Variants in CSMD1 observed in about 807,000 individuals in gnomAD.
CSMD1 encodes the protein CUB and sushi domain-containing protein 1.
Under a neutral mutation model 417.5 loss-of-function variants are expected in CSMD1, and 213 were observed. The observed-to-expected ratio is 0.51, with a 90% CI of 0.46 to 0.57. The LOEUF is 0.57. Among genes scored for constraint, CSMD1 ranks in the 20% least tolerant of loss-of-function variants. The pLI, the probability that CSMD1 is intolerant of heterozygous loss-of-function variation, is 0.00. For synonymous variants in CSMD1, 2,862 were observed against 1,736.8 expected (o/e 1.65, Z -16.11); for missense variants, 6,923 against 4,529.7 (o/e 1.53, Z -15.17).
chr8:4,432,512 G>A (rs1797925961), intron 2 of CSMD1, among the ~76,000 whole-genome samples: 1 of 152,144 alleles, frequency 6.6e-6, no homozygotes, highest in Admixed American at 6.6e-5. Flanking sequence ...GCTGGTAAAT[G>A]CTCGGAGTGT....
intron 23 of CSMD1, among the ~76,000 whole-genome samples, chr8:3,311,809 G>C (rs988871197): frequency 1.3e-5 from 2 of 151,892 alleles, no homozygotes; most frequent in Non-Finnish European, 2.9e-5. Flanking sequence ...TTCTTCACTG[G>C]AGACATGTGT....
chr8:3,402,611 C>T (rs903728999), intron 15 of CSMD1, among the ~76,000 whole-genome samples: 1 of 152,140 alleles, frequency 6.6e-6, no homozygotes, highest in Non-Finnish European at 1.5e-5. Context: ...AAAAAAATTG[C>T]TCTATTGTGA....
intron 30 of CSMD1, among the ~76,000 whole-genome samples, chr8:3,208,815 T>A (rs1797443857): frequency 6.6e-6 from 1 of 152,168 alleles, no homozygotes; most frequent in Admixed American, 6.6e-5. Flanking sequence ...ATCTTTCTCC[T>A]GTGCTGGATG....
intron 5 of CSMD1, among the ~76,000 whole-genome samples, chr8:3,976,074 T>G (rs1813413349): frequency 1.3e-5 from 2 of 152,080 alleles, no homozygotes; most frequent in Admixed American, 1.3e-4. Context: ...GTTAAATTTT[T>G]TTGGGGGGGT....
At chr8:4,042,408 G>A (rs968504856) in intron 3 of CSMD1, among the ~76,000 whole-genome samples, 17 of 151,974 alleles carry the variant, frequency 1.1e-4, no homozygotes, top group Admixed American at 8.5e-4. Context: ...CTGAAATAAC[G>A]AATAAGCAAA....
chr8:3,752,713 G>A (rs1040829919), intron 6 of CSMD1, among the ~76,000 whole-genome samples: 1 of 120,148 alleles, frequency 8.3e-6, no homozygotes, highest in Non-Finnish European at 1.7e-5. Flanking sequence ...AACATATTTT[G>A]TTGAAACGAA....
intron 6 of CSMD1, among the ~76,000 whole-genome samples, chr8:3,749,794 T>C (rs1253566364): frequency 6.6e-6 from 1 of 152,030 alleles, no homozygotes; most frequent in African/African-American, 2.4e-5. Context: ...GTAGAGGTAG[T>C]TTCTCTCTTT....
chr8:4,694,838 C>G (rs1400713080), intron 1 of CSMD1, among the ~76,000 whole-genome samples: 1 of 152,128 alleles, frequency 6.6e-6, no homozygotes, highest in East Asian at 1.9e-4. Flanking sequence ...AGACCTGTCT[C>G]AGATATTCTC....
chr8:4,288,355 C>A (rs1001442368), intron 3 of CSMD1, among the ~76,000 whole-genome samples: 1 of 152,110 alleles, frequency 6.6e-6, no homozygotes, highest in Non-Finnish European at 1.5e-5. Context: ...CTTAAGCAAA[C>A]CTTAATGATT....
intron 9 of CSMD1, among the ~76,000 whole-genome samples, chr8:3,577,793 G>T (rs146146640): frequency 1.3e-5 from 2 of 151,896 alleles, no homozygotes; most frequent in South Asian, 2.1e-4. Context: ...CTGATGATGC[G>T]CCCCCTATTT....
intron 1 of CSMD1, among the ~76,000 whole-genome samples, chr8:4,659,236 A>G (rs1242444046): frequency 6.7e-6 from 1 of 149,750 alleles, no homozygotes; most frequent in Non-Finnish European, 1.5e-5. Flanking sequence ...GAGGAAATGC[A>G]TAGCTGCAAA....
At chr8:4,720,925 C>A (rs183494304) in intron 1 of CSMD1, among the ~76,000 whole-genome samples, 13 of 152,134 alleles carry the variant, frequency 8.5e-5, no homozygotes, top group African/African-American at 2.9e-4. Flanking sequence ...TCTTAACTTT[C>A]GTGAATCTAC....
chr8:4,423,747 G>A (rs768686118), intron 2 of CSMD1, among the ~76,000 whole-genome samples: 5 of 151,392 alleles, frequency 3.3e-5, no homozygotes, highest in African/African-American at 7.3e-5. Context: ...AAAAAAAATA[G>A]AATAGCTCAA....
intron 9 of CSMD1, among the ~76,000 whole-genome samples, chr8:3,579,411 A>T (rs553479717): frequency 6.6e-6 from 1 of 152,366 alleles, no homozygotes; most frequent in Admixed American, 6.5e-5. Flanking sequence ...TAACTACTCA[A>T]TTAATCAAAT....
chr8:3,607,428 C>G (rs578211020), intron 8 of CSMD1, among the ~76,000 whole-genome samples: 1 of 152,246 alleles, frequency 6.6e-6, no homozygotes, highest in East Asian at 1.9e-4. Flanking sequence ...GAAAGTATAC[C>G]ATTGTAAATG....
intron 1 of CSMD1, among the ~76,000 whole-genome samples, chr8:4,667,480 C>T (rs1746863846): frequency 6.6e-6 from 1 of 151,668 alleles, no homozygotes. Context: ...ATATGAAGTA[C>T]TCCAATTCAT....
Position 4,962,188 on chromosome 8 carries a change from C to CTT in CSMD1, c.85+32142_85+32143dup, listed in dbSNP as rs5889079. ...ACAATAATATAAATGTAAATTTCTG[C>CTT]TTTTTTTTTAAAAAAAAAAGAAAAA... On this transcript the variant is annotated intron_variant, in intron 1 of 69. Transcript: ENST00000635120. 1.7e-3 allele frequency among the ~76,000 whole-genome samples: 239 copies of CTT among 140,612 alleles called. 2 individuals carry two copies. In the South Asian group the frequency reaches 0.023, roughly 13 times the overall value. The allele number at this position is 140,612 out of a possible 152,430, so 92.2% of individuals were successfully genotyped here.
chr8:3,409,856 C>T (rs769512011), intron 12 of CSMD1, among the ~76,000 whole-genome samples: 1 of 152,220 alleles, frequency 6.6e-6, no homozygotes, highest in Non-Finnish European at 1.5e-5. Context: ...CACAGATACG[C>T]TGACAACACA....
chr8:4,039,592 A>G (rs778765304), intron 3 of CSMD1, among the ~76,000 whole-genome samples: 2 of 152,186 alleles, frequency 1.3e-5, no homozygotes, highest in African/African-American at 2.4e-5. Context: ...CTACTTTCAA[A>G]AAGTCTCATT....
Sources: allele counts gnomAD v4.1 joint callset (sites outside exome capture counted in the v4.1 genomes callset), GRCh38; gene constraint gnomAD v4.1.1; transcripts MANE v1.5; gene names NCBI Gene and HGNC (gene_info 2026-07-23, HGNC 2026-07-21).